RGS9: variants seen among roughly 807,000 people sequenced by gnomAD.
RGS9 encodes regulator of G-protein signalling 9.
In RGS9, 78 loss-of-function variants were observed where a neutral mutation model predicts 102.0. That is an observed-to-expected ratio of 0.76 (90% CI 0.64 to 0.92). The LOEUF is 0.92. Ranked by LOEUF, RGS9 falls within the 40% of genes least tolerant of loss-of-function variation. The pLI, the probability that RGS9 is intolerant of heterozygous loss-of-function variation, is 0.00. For missense variants in RGS9, 833 were observed against 866.1 expected (o/e 0.96, Z 0.48); for synonymous variants, 353 against 318.6 (o/e 1.11, Z -1.15).
intron 16 of RGS9, 139 bp from the exon 17 acceptor site, chr17:65,210,349 C>G: frequency 9.4e-7 from 1 of 1,069,350 alleles, no homozygotes; most frequent in South Asian, 1.3e-5. Flanking sequence ...TTGGACCCCA[C>G]TGGAGGTTCA....
At chr17:65,168,303 G>A in intron 8 of RGS9, 22 bp downstream of exon 8, 2 of 1,556,606 alleles carry the variant, frequency 1.3e-6, no homozygotes, top group East Asian at 2.3e-5. Context: ...CCTGCCTGGT[G>A]TCCTCTGTCT....
chr17:65,177,465 C>T lies in RGS9; in HGVS notation c.583-267C>T, dbSNP rs542281026. ...CCACCTGTCCATTTTTCCATCCATC[C>T]ACCCACCCACGCATCTACCCATCCT... On this transcript the variant is annotated intron_variant, in intron 8 of 18. Coordinates refer to ENST00000262406, the MANE Select transcript of RGS9 (RefSeq NM_003835.4). Among the ~76,000 whole-genome samples the T allele has an allele frequency of 2.0e-5, 3 of 152,318 alleles. No individual in the cohort carries two copies. In the East Asian group the frequency reaches 5.8e-4, roughly 29 times the overall value.
chr17:65,219,929 A>G (rs1913645554), intron 17 of RGS9, among the ~76,000 whole-genome samples: 2 of 151,842 alleles, frequency 1.3e-5, no homozygotes, highest in Admixed American at 6.6e-5. Context: ...CCATATCATT[A>G]TTATTATCAT....
intron 13 of RGS9, among the ~76,000 whole-genome samples, chr17:65,198,991 C>T (rs549669853): frequency 5.9e-5 from 9 of 152,260 alleles, no homozygotes; most frequent in South Asian, 2.1e-4. Flanking sequence ...TTATCTCCCC[C>T]CCACTAATTC....
chr17:65,168,623 C>A (rs1222235523), intron 8 of RGS9, among the ~76,000 whole-genome samples: 2 of 147,130 alleles, frequency 1.4e-5, no homozygotes, highest in East Asian at 3.9e-4. Flanking sequence ...AGAACGTAGG[C>A]CCCAATGGAG....
intron 1 of RGS9, among the ~76,000 whole-genome samples, chr17:65,151,142 T>C (rs1910562739): frequency 1.3e-5 from 2 of 152,210 alleles, no homozygotes; most frequent in African/African-American, 4.8e-5. Context: ...GTCAGGAGTT[T>C]GAGACCAGCG....
intron 9 of RGS9, among the ~76,000 whole-genome samples, chr17:65,184,340 T>A (rs551358898): frequency 6.6e-6 from 1 of 152,308 alleles, no homozygotes; most frequent in South Asian, 2.1e-4. Context: ...GCAATGAATA[T>A]CTTTTTTTGC....
rs772727065 is a variant in RGS9 at position 65,137,583 on chromosome 17, G to A, written c.43G>A (p.Ala15Thr). 6.2e-7 allele frequency: 1 copy of A among 1,613,366 alleles called. No homozygotes were observed. Among genetic ancestry groups the A allele is most frequent in the East Asian group, 2.2e-5 (1 of 44,878 alleles). Residue 15 changes from alanine (A) to threonine (T), a missense_variant, in exon 1 of 19, where the codon GCA (alanine) becomes ACA (threonine). Transcript: ENST00000262406. ...AGGCCAGCAGTACAGGCCGAGGATGGCATTTCTCCAAAAGGTAACCCTGGC... is the reference window on the plus strand; with the variant it reads ...AGGCCAGCAGTACAGGCCGAGGATGACATTTCTCCAAAAGGTAACCCTGGC... ...HQGQQYRPRMAFLQKIEALVK... is the reference protein window; with the variant it reads ...HQGQQYRPRMTFLQKIEALVK...
intron 7 of RGS9, among the ~76,000 whole-genome samples, chr17:65,164,371 T>C (rs181478934): frequency 6.6e-6 from 1 of 152,276 alleles, no homozygotes; most frequent in Non-Finnish European, 1.5e-5. Flanking sequence ...CAGGTCAACG[T>C]CAAAGGTTGG....
intron 9 of RGS9, among the ~76,000 whole-genome samples, chr17:65,183,677 A>G (rs931673517): frequency 2.0e-5 from 3 of 152,016 alleles, no homozygotes; most frequent in African/African-American, 7.2e-5. Context: ...TCTGCTCTCA[A>G]TGCCAGTGCT....
At chr17:65,199,868 G>T (rs533347357) in intron 13 of RGS9, among the ~76,000 whole-genome samples, 1 of 152,128 alleles carries the variant, frequency 6.6e-6, no homozygotes, top group South Asian at 2.1e-4. Flanking sequence ...TTCCTTGTTT[G>T]TATGTACCAC....
chr17:65,212,546 C>T (rs1208732195), intron 17 of RGS9, among the ~76,000 whole-genome samples: 5 of 152,066 alleles, frequency 3.3e-5, no homozygotes, highest in South Asian at 2.1e-4. Flanking sequence ...CAGAGTGAAC[C>T]GAAAGGCCAG....
rs200974892 is a variant in RGS9 at position 65,160,499 on chromosome 17, C to T, written c.313-37C>T. 1.1e-5 allele frequency: 17 copies of T among 1,613,534 alleles called. No individual in the cohort carries two copies. In the East Asian group the frequency reaches 3.8e-4, roughly 36 times the overall value. ...GGTTGGGGTCCATTGAGTCACAATC[C>T]AGTTTTAAAGCGTGGTTTCCCTGGT... On this transcript the variant is annotated intron_variant, in intron 4 of 18. Transcript: ENST00000262406.
intron 6 of RGS9, 43 bp from the exon 7 acceptor site, chr17:65,162,970 A>G (rs774792415): frequency 1.8e-6 from 2 of 1,112,908 alleles, no homozygotes; most frequent in Non-Finnish European, 2.7e-6. Flanking sequence ...CACATGGCAT[A>G]TGTCTTGGGG....
chr17:65,190,245 C>T lies in RGS9; in HGVS notation c.746+9C>T. ...TCTGTGTCCCTGGGAGGGTATGTCC[C>T]TGATTTGTTGATCTTGCTAAAGTCT... On this transcript the variant is annotated intron_variant, in intron 11 of 18. Coordinates refer to ENST00000262406, the MANE Select transcript of RGS9 (RefSeq NM_003835.4). 6.2e-7 allele frequency: 1 copy of T among 1,609,658 alleles called. No homozygotes were observed. The highest frequency in any genetic ancestry group is 8.5e-7 in the Non-Finnish European group (1 of 1,175,922).
intron 13 of RGS9, among the ~76,000 whole-genome samples, chr17:65,201,633 TG>T (rs1227493197): frequency 6.6e-6 from 1 of 152,190 alleles, no homozygotes; most frequent in African/African-American, 2.4e-5. Context: ...CGACAACCTC[TG>T]GGGGGTGATA....
intron 1 of RGS9, among the ~76,000 whole-genome samples, chr17:65,147,030 G>A (rs780859866): frequency 2.0e-5 from 3 of 152,160 alleles, no homozygotes; most frequent in Non-Finnish European, 4.4e-5. Context: ...CCCAGGAGCA[G>A]CAGCTGTACC....
At chr17:65,172,197 G>GTGTTTTTTGTTTGTTTGT in intron 8 of RGS9, among the ~76,000 whole-genome samples, 1 of 152,168 alleles carries the variant, frequency 6.6e-6, no homozygotes, top group Non-Finnish European at 1.5e-5. Flanking sequence ...GACATACAAT[G>GTGTTTTTTGTTTGTTTGT]TGTTTTTTGT....
chr17:65,181,902 G>A (rs1911899069), intron 9 of RGS9, among the ~76,000 whole-genome samples: 1 of 152,186 alleles, frequency 6.6e-6, no homozygotes, highest in Non-Finnish European at 1.5e-5. Flanking sequence ...CACACAGCTG[G>A]TATTATTCTA....
Sources: allele counts gnomAD v4.1 joint callset (sites outside exome capture counted in the v4.1 genomes callset), GRCh38; gene constraint gnomAD v4.1.1; transcripts MANE v1.5; gene names NCBI Gene and HGNC (gene_info 2026-07-23, HGNC 2026-07-21).